GSR: variants seen among roughly 807,000 people sequenced by gnomAD.
GSR encodes glutathione reductase, mitochondrial.
A neutral mutation model predicts 56.5 loss-of-function variants in GSR; 48 were observed. That is an observed-to-expected ratio of 0.85 (90% CI 0.67 to 1.08). GSR has a LOEUF of 1.08. GSR is among the 50% of genes least tolerant of loss of function. GSR has a pLI of 0.00. For missense variants in GSR, 694 were observed against 703.3 expected, an observed-to-expected ratio of 0.99 and a Z score of 0.15; for synonymous variants, 264 against 270.8, an observed-to-expected ratio of 0.97 and a Z score of 0.25.
Position 30,727,536 on chromosome 8 carries a change from G to A in GSR, c.300C>T (p.Gly100=), listed in dbSNP as rs911277725. The A allele has an allele frequency of 1.6e-5, 25 of 1,537,206 alleles. No homozygotes were observed. The African/African-American group carries it at 2.6e-4, about 16-fold the overall frequency. The change falls in exon 1 of 13, where the codon GGC becomes GGT. Residue 100 remains glycine (G), a synonymous_variant. Transcript: ENST00000221130. ...AAVVESHKLG[G]TCVNVGCVPK... is the part of the protein sequence containing the mutation. ...ACAAACCGGCGGTACTCACGCAAGT[G>A]CCACCCAGCTTGTGGCTCTCCACCA...
rs1375594360 is a variant in GSR, at chr8:30,727,534, G to A, written c.302C>T (p.Thr101Ile). The A allele has an allele frequency of 6.5e-7, 1 of 1,537,456 alleles. No homozygotes were observed. Among genetic ancestry groups the A allele is most frequent in the South Asian group, 1.2e-5 (1 of 83,582 alleles). ...GAACAAACCGGCGGTACTCACGCAA[G>A]TGCCACCCAGCTTGTGGCTCTCCAC... ...AVVESHKLGGTCVNVGCVPKK... is the reference protein window; with the variant it reads ...AVVESHKLGGICVNVGCVPKK... The change falls in exon 1 of 13, where the codon ACT (threonine) becomes ATT (isoleucine). Residue 101 changes from threonine (T) to isoleucine (I), a missense_variant. Coordinates refer to ENST00000221130, the MANE Select transcript of GSR (RefSeq NM_000637.5).
Position 30,681,032 on chromosome 8 carries a change from C to T in GSR, c.1291G>A (p.Ala431Thr). 6.2e-7 allele frequency: 1 copy of T among 1,607,442 alleles called. No individual in the cohort carries two copies. Among genetic ancestry groups the T allele is most frequent in the East Asian group, 2.2e-5 (1 of 44,854 alleles). ...IGTVGLTEDE[A>T]IHKYGIENVK... ...TTTTCTATTCCATATTTATGAATGG[C>T]TTCATCTACAATGCACATTAAAAAA... The change falls in exon 12 of 13, where the codon GCC becomes ACC. Residue 431 changes from alanine (A) to threonine (T), a missense_variant. Ala to Thr is a moderately conservative substitution (Grantham distance 58, BLOSUM62 0). Transcript: ENST00000221130.
At chr8:30,727,438 G>C in intron 1 of GSR, 92 bp downstream of exon 1, 1 of 1,215,248 alleles carries the variant, frequency 8.2e-7, no homozygotes, top group Admixed American at 2.2e-5. Flanking sequence ...CAGCGCCGGG[G>C]GACAGGATCG....
chr8:30,694,614 T>TA (rs1015491747), intron 7 of GSR, among the ~76,000 whole-genome samples: 47 of 152,092 alleles, frequency 3.1e-4, no homozygotes, highest in African/African-American at 1.1e-3. Flanking sequence ...GGCAACATAG[T>TA]AAGACCTCAT....
chr8:30,694,389 A>T (rs1803481278), intron 7 of GSR, among the ~76,000 whole-genome samples: 1 of 152,228 alleles, frequency 6.6e-6, no homozygotes, highest in Non-Finnish European at 1.5e-5. Flanking sequence ...TGCTCACTGC[A>T]GCCTTGACCT....
chr8:30,719,130 C>T (rs1363193236), intron 1 of GSR, among the ~76,000 whole-genome samples: 3 of 122,216 alleles, frequency 2.5e-5, no homozygotes, highest in Non-Finnish European at 5.0e-5. Context: ...TTTTTTGAGA[C>T]GAGGTCTCAC....
At chr8:30,721,109 A>T (rs59040977) in intron 1 of GSR, among the ~76,000 whole-genome samples, 1 of 152,096 alleles carries the variant, frequency 6.6e-6, no homozygotes, top group Non-Finnish European at 1.5e-5. Flanking sequence ...AAACAAAAAA[A>T]TTTAAAAAAT....
rs779495845 is a variant in GSR, at chr8:30,679,505, C to T, written c.*15G>A. The T allele has an allele frequency of 1.5e-5, 24 of 1,613,120 alleles. No individual in the cohort carries two copies. The highest frequency in any genetic ancestry group is 2.0e-5 in the Non-Finnish European group (24 of 1,179,128). ...TCTATGGGTCCCACTGCCCGCCACA[C>T]GTGTCTCCTGGTTCTCAACGAAGTG... On this transcript the variant is annotated 3_prime_UTR_variant, in exon 13 of 13. Coordinates refer to ENST00000221130, the MANE Select transcript of GSR (RefSeq NM_000637.5).
intron 2 of GSR, 103 bp downstream of exon 2, chr8:30,711,959 G>T (rs1804159269): frequency 9.9e-6 from 7 of 706,578 alleles, no homozygotes; most frequent in Admixed American, 2.5e-5. Flanking sequence ...GGTTTTTTTT[G>T]CAGAAAGAAT....
chr8:30,713,504 G>A (rs920805696), intron 1 of GSR, among the ~76,000 whole-genome samples: 2 of 151,622 alleles, frequency 1.3e-5, no homozygotes, highest in African/African-American at 4.9e-5. Flanking sequence ...GATTACAGGC[G>A]CCTGCCATCC....
At chr8:30,711,656 A>AC (rs1299173648) in intron 2 of GSR, among the ~76,000 whole-genome samples, 1 of 151,848 alleles carries the variant, frequency 6.6e-6, no homozygotes, top group Non-Finnish European at 1.5e-5. Flanking sequence ...ACACGGTGAA[A>AC]CCCCCATCTC....
intron 5 of GSR, among the ~76,000 whole-genome samples, chr8:30,700,770 TCTG>T (rs1239258851): frequency 1.4e-5 from 2 of 141,316 alleles, no homozygotes; most frequent in Admixed American, 1.5e-4. Context: ...CCCTTTCCTC[TCTG>T]CTTATTCTTT....
intron 7 of GSR, among the ~76,000 whole-genome samples, chr8:30,695,302 C>G (rs1803509184): frequency 1.3e-5 from 2 of 152,128 alleles, no homozygotes; most frequent in Non-Finnish European, 2.9e-5. Flanking sequence ...GTGGTGCAAT[C>G]TTGGCTCTCT....
intron 1 of GSR, among the ~76,000 whole-genome samples, chr8:30,717,081 T>C (rs748139588): frequency 8.6e-5 from 13 of 151,678 alleles, no homozygotes; most frequent in Admixed American, 7.2e-4. Flanking sequence ...CTACTAAAAA[T>C]GCAAAATTAG....
At chr8:30,711,107 T>TA (rs1201742283) in intron 2 of GSR, among the ~76,000 whole-genome samples, 1 of 152,142 alleles carries the variant, frequency 6.6e-6, no homozygotes, top group African/African-American at 2.4e-5. Context: ...AAAAACACCT[T>TA]ACCTATACCA....
chr8:30,684,269 A>G lies in GSR; in HGVS notation c.1042-70T>C, dbSNP rs1346341570. The G allele has an allele frequency of 3.1e-5, 27 of 857,786 alleles. No homozygotes were observed. The Admixed American group carries it at 4.2e-4, about 13-fold the overall frequency. The allele number at this position is 857,786 out of a possible 1,614,324, so 53.1% of individuals were successfully genotyped here. On this transcript the variant is annotated intron_variant, in intron 9 of 12. Transcript: ENST00000221130. Reference sequence around the variant, plus strand: ...TAAAAAAGGTAGATCAAACCTCTGGATCTCCCTTCCTCATTTCACATGGGA... The same window carrying G: ...TAAAAAAGGTAGATCAAACCTCTGGGTCTCCCTTCCTCATTTCACATGGGA...
chr8:30,686,702 C>G (rs1006286694), intron 9 of GSR, among the ~76,000 whole-genome samples: 3 of 151,746 alleles, frequency 2.0e-5, no homozygotes, highest in Non-Finnish European at 4.4e-5. Flanking sequence ...CCAACCCCCC[C>G]AAAAAAAGTT....
At chr8:30,697,178 G>A (rs1336572346) in intron 6 of GSR, among the ~76,000 whole-genome samples, 2 of 152,104 alleles carry the variant, frequency 1.3e-5, no homozygotes, top group African/African-American at 2.4e-5. Context: ...CACTTTGGGA[G>A]GCTGAGGTGG....
At chr8:30,698,669 G>T (rs1803628491) in intron 6 of GSR, among the ~76,000 whole-genome samples, 1 of 152,156 alleles carries the variant, frequency 6.6e-6, no homozygotes, top group Non-Finnish European at 1.5e-5. Flanking sequence ...GACTCTGGGT[G>T]AATCAAAGTG....
Sources: gnomAD v4.1 joint callset for allele counts (sites outside exome capture counted in the v4.1 genomes callset) on GRCh38, gnomAD v4.1.1 for gene constraint, MANE v1.5 for transcripts, NCBI Gene and HGNC (gene_info 2026-07-23, HGNC 2026-07-21) for gene names.